Variants in CAMTA1 observed in about 807,000 individuals in gnomAD.
The protein encoded by CAMTA1 is calmodulin binding transcription activator 1.
CAMTA1 carries 27 observed loss-of-function variants against 170.9 expected under a neutral mutation model. That is an observed-to-expected ratio of 0.16 (90% CI 0.12 to 0.22). The LOEUF (loss-of-function observed/expected upper bound fraction) is 0.22, where lower values mean the gene tolerates loss of function less well. Among genes scored for constraint, CAMTA1 ranks in the 10% least tolerant of loss-of-function variants. The pLI is 1.00. For synonymous variants in CAMTA1, 833 were observed against 891.5 expected (o/e 0.93, Z 1.17); for missense variants, 1,619 against 2,217.2 (o/e 0.73, Z 5.42).
At chr1:7,660,451 T>C (rs1211425761) in intron 7 of CAMTA1, among the ~76,000 whole-genome samples, 1 of 152,066 alleles carries the variant, frequency 6.6e-6, no homozygotes, top group Admixed American at 6.6e-5. Flanking sequence ...GGCGGGAGGA[T>C]CACTTGAACC....
At chr1:7,141,017 C>T (rs934392157) in intron 4 of CAMTA1, among the ~76,000 whole-genome samples, 4 of 152,054 alleles carry the variant, frequency 2.6e-5, no homozygotes, top group East Asian at 1.9e-4. Flanking sequence ...TGTGAACCTT[C>T]GGGGATGTTT....
chr1:7,589,326 C>A (rs926150515), intron 6 of CAMTA1, among the ~76,000 whole-genome samples: 1 of 152,194 alleles, frequency 6.6e-6, no homozygotes, highest in African/African-American at 2.4e-5. Context: ...ACCCCGGCCG[C>A]TGTGGCAGGG....
intron 5 of CAMTA1, among the ~76,000 whole-genome samples, chr1:7,337,595 A>AGTGGGCCTCATCCAATCACAATGTGGGCT (rs2083476817): frequency 1.6e-5 from 2 of 123,470 alleles, no homozygotes; most frequent in African/African-American, 7.2e-5. Context: ...CAGTGTGGGC[A>AGTGGGCCTCATCCAATCACAATGTGGGCT]GTGGGCCTCA....
At chr1:7,705,121 G>A (rs949630844) in intron 11 of CAMTA1, among the ~76,000 whole-genome samples, 7 of 151,756 alleles carry the variant, frequency 4.6e-5, no homozygotes, top group African/African-American at 1.7e-4. Flanking sequence ...GAGGGGCCAC[G>A]AGGGTGCGCG....
intron 6 of CAMTA1, among the ~76,000 whole-genome samples, chr1:7,505,846 G>C (rs116632858): frequency 0.02 from 3,009 of 152,264 alleles, 90 homozygotes; most frequent in African/African-American, 0.069. Context: ...GTACAGGAGC[G>C]AGGGCTGCTG....
rs1404469213 is a variant in CAMTA1, at chr1:7,435,451, T to C, written c.439-32379T>C. On this transcript the variant is annotated intron_variant, in intron 5 of 22. Coordinates refer to ENST00000303635, the MANE Select transcript of CAMTA1 (RefSeq NM_015215.4). The surrounding 1 kb of genome is among the most constrained non-coding windows in gnomAD (Gnocchi z 4.4). ...CTAGGCTGGGTTCTTGCTCTGCTGC[T>C]ATTCCTGTTTTGAAACAGAACCTTC... Among the ~76,000 whole-genome samples the C allele has an allele frequency of 1.3e-5, 2 of 152,194 alleles. No homozygotes were observed. The highest frequency in any genetic ancestry group is 4.8e-5 in the African/African-American group (2 of 41,464).
chr1:7,502,789 TG>T (rs2094029472), intron 6 of CAMTA1, among the ~76,000 whole-genome samples: 1 of 152,086 alleles, frequency 6.6e-6, no homozygotes, highest in African/African-American at 2.4e-5. Context: ...CTGGGCTTAG[TG>T]GGGGATGTGT....
intron 5 of CAMTA1, among the ~76,000 whole-genome samples, chr1:7,312,065 T>G (rs1676807920): frequency 6.6e-6 from 1 of 152,120 alleles, no homozygotes; most frequent in African/African-American, 2.4e-5. Context: ...AAAGCTGGGA[T>G]TTTAGTTACC....
intron 18 of CAMTA1, among the ~76,000 whole-genome samples, chr1:7,747,112 AAC>A (rs2096862543): frequency 6.6e-6 from 1 of 152,248 alleles, no homozygotes; most frequent in South Asian, 2.1e-4. Flanking sequence ...TCACCATGTC[AAC>A]ATACTGTTGG....
In CAMTA1 at chr1:7,609,420, C is replaced by G. The variant is rs2150660538; in HGVS notation, c.511-30980C>G. ...GAATGATTCATGAGGCTCTGCTCAA[C>G]TTTGGGTGTTAACAGCAAATCAAAG... On this transcript the variant is annotated intron_variant, in intron 6 of 22. Transcript: ENST00000303635. This position sits in a 1 kb window ranked among gnomAD's most constrained non-coding sequence, Gnocchi z 4.4. Among the ~76,000 whole-genome samples the G allele has an allele frequency of 6.6e-6, 1 of 152,312 alleles. No homozygotes were observed. Among genetic ancestry groups the G allele is most frequent in the Middle Eastern group, 3.4e-3 (1 of 294 alleles).
intron 3 of CAMTA1, among the ~76,000 whole-genome samples, chr1:6,924,250 A>G (rs771612145): frequency 1.3e-5 from 2 of 152,216 alleles, no homozygotes; most frequent in East Asian, 3.9e-4. Context: ...GACTGGAAAC[A>G]TAAAGATGGT....
intron 11 of CAMTA1, among the ~76,000 whole-genome samples, chr1:7,697,723 A>C (rs2096391593): frequency 6.6e-6 from 1 of 152,164 alleles, no homozygotes; most frequent in African/African-American, 2.4e-5. Flanking sequence ...GTCCATTAGG[A>C]GAAACCTGCC....
intron 5 of CAMTA1, among the ~76,000 whole-genome samples, chr1:7,403,653 T>A (rs2090077804): frequency 6.6e-6 from 1 of 152,186 alleles, no homozygotes; most frequent in Admixed American, 6.5e-5. Flanking sequence ...AGGTGAGTAG[T>A]CTGTGGTGTT....
chr1:7,077,219 G>T (rs1029659793), intron 3 of CAMTA1, among the ~76,000 whole-genome samples: 3 of 145,576 alleles, frequency 2.1e-5, no homozygotes, highest in Non-Finnish European at 4.5e-5. Context: ...GGAATTTAAG[G>T]AAAGGTTTTT....
intron 7 of CAMTA1, among the ~76,000 whole-genome samples, chr1:7,650,277 G>A (rs750131152): frequency 9.2e-5 from 14 of 152,200 alleles, no homozygotes; most frequent in Non-Finnish European, 1.5e-4. Flanking sequence ...AGAAGATTCC[G>A]AGAGCCTCAG....
At position 7,286,689 on chromosome 1, in the gene CAMTA1, AG is replaced by A. The variant is rs1672393481; in HGVS notation, c.438+37066del. Among the ~76,000 whole-genome samples, 1 of 152,198 alleles carries A rather than the reference AG, an allele frequency of 6.6e-6. No individual in the cohort carries two copies. Among genetic ancestry groups the A allele is most frequent in the Non-Finnish European group, 1.5e-5 (1 of 68,048 alleles). On this transcript the variant is annotated intron_variant, in intron 5 of 22. Transcript: ENST00000303635. This position sits in a 1 kb window ranked among gnomAD's most constrained non-coding sequence, Gnocchi z 4.2. Reference sequence around the variant, plus strand: ...AGAGCATGTTAGGCTAAGATTGTAAAGGGTCTTAAATGACCCCAAATATCCC... The same window carrying A: ...AGAGCATGTTAGGCTAAGATTGTAAAGGTCTTAAATGACCCCAAATATCCC...
At chr1:7,275,749 A>G (rs1670496546) in intron 5 of CAMTA1, among the ~76,000 whole-genome samples, 1 of 152,200 alleles carries the variant, frequency 6.6e-6, no homozygotes, top group South Asian at 2.1e-4. Context: ...TATTTATTAA[A>G]TTAAGTTTGT....
In CAMTA1 at chr1:7,031,801, G is replaced by A. The variant is rs745765734; in HGVS notation, c.235-59503G>A. On this transcript the variant is annotated intron_variant, in intron 3 of 22. Transcript: ENST00000303635. The stretch of plus-strand genomic sequence containing the variant: ...TGTGATCTGCCCACCTTGGCCTCCT[G>A]AAGTGCTGGGATTATAGGCATGAGT... 3.3e-5 allele frequency among the ~76,000 whole-genome samples: 5 copies of A among 152,012 alleles called. No homozygotes were observed. In the South Asian group the frequency reaches 8.3e-4, roughly 25 times the overall value.
chr1:7,690,266 G>A (rs2096296237), intron 11 of CAMTA1, among the ~76,000 whole-genome samples: 1 of 152,256 alleles, frequency 6.6e-6, no homozygotes, highest in Non-Finnish European at 1.5e-5. Context: ...TCCCCGCGGA[G>A]TGAGCTGACA....
Sources: allele counts gnomAD v4.1 joint callset (sites outside exome capture counted in the v4.1 genomes callset), GRCh38; gene constraint gnomAD v4.1.1; non-coding constraint Gnocchi (gnomAD v3.1); transcripts MANE v1.5; gene names NCBI Gene and HGNC (gene_info 2026-07-23, HGNC 2026-07-21).